Variants in XDH observed in about 807,000 individuals in gnomAD.
The protein encoded by XDH is xanthine dehydrogenase/oxidase.
A neutral mutation model predicts 156.1 loss-of-function variants in XDH; 138 were observed. The ratio of observed to expected loss-of-function variants is 0.88; its 90% CI spans 0.77 to 1.02. The LOEUF is 1.02. Ranked by LOEUF, XDH falls within the 50% of genes least tolerant of loss-of-function variation. The pLI is 0.00. For synonymous variants in XDH, 669 were observed against 625.7 expected (o/e 1.07, Z -1.03); for missense variants, 1,849 against 1,684.9 (o/e 1.10, Z -1.71).
At chr2:31,398,059 T>C (rs996486994) in intron 5 of XDH, among the ~76,000 whole-genome samples, 1 of 152,146 alleles carries the variant, frequency 6.6e-6, no homozygotes, top group African/African-American at 2.4e-5. Context: ...TATGAACTTT[T>C]TGAGAGTAGA....
intron 29 of XDH, 59 bp from the exon 30 acceptor site, chr2:31,346,902 G>A (rs1685311985): frequency 1.2e-6 from 2 of 1,610,512 alleles, no homozygotes; most frequent in African/African-American, 1.3e-5. Flanking sequence ...TGTAGCCCAG[G>A]CAAAACCCGA....
chr2:31,380,817 C>G (rs1477841124), intron 12 of XDH, among the ~76,000 whole-genome samples: 3 of 152,150 alleles, frequency 2.0e-5, no homozygotes, highest in African/African-American at 7.2e-5. Flanking sequence ...TCTGACAAGG[C>G]AGAGATGCAC....
intron 14 of XDH, 26 bp from the exon 15 acceptor site, chr2:31,375,580 G>A: frequency 6.2e-7 from 1 of 1,610,086 alleles, no homozygotes; most frequent in Non-Finnish European, 8.5e-7. Flanking sequence ...GCGTGGGACA[G>A]CGCTCCCGCC....
intron 17 of XDH, among the ~76,000 whole-genome samples, chr2:31,371,179 T>C (rs1558691451): frequency 6.6e-6 from 1 of 152,176 alleles, no homozygotes; most frequent in East Asian, 1.9e-4. Flanking sequence ...GTCTCAACTA[T>C]GTACTCATCA....
Position 31,387,825 on chromosome 2 carries a change from GA to G in XDH, c.636del (p.Pro214GlnfsTer4), listed in dbSNP as rs746274457. 3 of 1,583,710 alleles carry G rather than the reference GA, an allele frequency of 1.9e-6. No individual in the cohort carries two copies. The highest frequency in any genetic ancestry group is 3.7e-5 in the Admixed American group (2 of 54,486). On this transcript the variant is annotated frameshift_variant, in exon 8 of 36. Coordinates refer to ENST00000379416, the MANE Select transcript of XDH (RefSeq NM_000379.4). LOFTEE classifies it high-confidence loss of function. The part of the protein sequence containing the change: ...TPLDPTQEPI[F>X]PPELLRLKDT... ...GCATCACCTACCAGCAACTCTGGGG[GA>G]AAAATGGGCTCCTGGGTTGGATCCA...
intron 2 of XDH, among the ~76,000 whole-genome samples, chr2:31,403,723 T>G (rs979178368): frequency 1.3e-5 from 2 of 152,136 alleles, no homozygotes; most frequent in African/African-American, 4.8e-5. Context: ...TTTTTTTAGG[T>G]CTGGGTCCAA....
chr2:31,369,315 A>C (rs1372327448), intron 18 of XDH, among the ~76,000 whole-genome samples: 1 of 152,106 alleles, frequency 6.6e-6, no homozygotes, highest in Non-Finnish European at 1.5e-5. Context: ...ATGACCCATA[A>C]AAATATTTTT....
intron 2 of XDH, among the ~76,000 whole-genome samples, chr2:31,405,587 C>A (rs537616312): frequency 6.6e-6 from 1 of 152,162 alleles, no homozygotes; most frequent in Non-Finnish European, 1.5e-5. Flanking sequence ...GGAAGGCCCC[C>A]CTCTTCCCAC....
intron 24 of XDH, among the ~76,000 whole-genome samples, chr2:31,356,207 T>C (rs181944349): frequency 1.4e-4 from 22 of 152,156 alleles, no homozygotes; most frequent in Non-Finnish European, 2.6e-4. Context: ...TCAAAATTGG[T>C]AGCAAAAAAT....
chr2:31,336,251 A>C (rs1684968515), intron 35 of XDH, among the ~76,000 whole-genome samples: 1 of 152,248 alleles, frequency 6.6e-6, no homozygotes, highest in East Asian at 1.9e-4. Context: ...ATGGTGACAA[A>C]CAATACAGAT....
chr2:31,353,025 CTTT>C (rs774092222), intron 24 of XDH, among the ~76,000 whole-genome samples: 2 of 118,282 alleles, frequency 1.7e-5, no homozygotes, highest in Admixed American at 8.7e-5. Context: ...CCAGCCACCT[CTTT>C]TTTTTTTTTT....
intron 6 of XDH, among the ~76,000 whole-genome samples, chr2:31,395,287 G>A (rs1686872578): frequency 6.6e-6 from 1 of 152,050 alleles, no homozygotes; most frequent in South Asian, 2.1e-4. Flanking sequence ...CCGTTTGGTG[G>A]GACAGGATGG....
At chr2:31,378,672 C>T (rs548116878) in intron 13 of XDH, among the ~76,000 whole-genome samples, 95 of 144,582 alleles carry the variant, frequency 6.6e-4, no homozygotes, top group African/African-American at 2.2e-3. Flanking sequence ...GGGACATTCT[C>T]GCTGGGGTAC....
rs767840691 is a variant in XDH at position 31,370,343 on chromosome 2, T to G, written c.1980+12A>C. 5 of 1,614,098 alleles carry G rather than the reference T, an allele frequency of 3.1e-6. No individual in the cohort carries two copies. In the South Asian group the frequency reaches 5.5e-5, roughly 18 times the overall value. ...ATTCAATTTACTTCATATAAAAAAA[T>G]CCAAGACTTACCTTATCCTTCGCAA... On this transcript the variant is annotated intron_variant, in intron 18 of 35. Transcript: ENST00000379416.
chr2:31,343,036 A>T (rs1685166609), intron 31 of XDH, among the ~76,000 whole-genome samples: 1 of 152,032 alleles, frequency 6.6e-6, no homozygotes, highest in South Asian at 2.1e-4. Context: ...CAGGAATAAC[A>T]TGAGCTGATA....
In XDH at chr2:31,414,387, G is replaced by A. The variant is rs45451795; in HGVS notation, c.42+238C>T. On this transcript the variant is annotated intron_variant, in intron 1 of 35. Transcript: ENST00000379416. Reference sequence around the variant, plus strand: ...GCAGCTAGCTCACAGATGCCTCTCTGCTTGCCTCTCTCTCCCTCATTCTTT... The same window carrying A: ...GCAGCTAGCTCACAGATGCCTCTCTACTTGCCTCTCTCTCCCTCATTCTTT... 0.043 allele frequency among the ~76,000 whole-genome samples: 6,582 copies of A among 151,760 alleles called. 178 individuals are homozygous for A. The highest frequency in any genetic ancestry group is 0.062 in the Middle Eastern group (18 of 290).
intron 22 of XDH, 67 bp downstream of exon 22, chr2:31,365,909 T>A: frequency 1.2e-6 from 2 of 1,612,142 alleles, no homozygotes; most frequent in Non-Finnish European, 1.7e-6. Context: ...CCTGAAAACC[T>A]TCCTGGCACA....
chr2:31,350,368 CTTTTTTTTT>C (rs35646405), intron 24 of XDH, 145 bp from the exon 25 acceptor site: 3 of 259,940 alleles, frequency 1.2e-5, no homozygotes, highest in African/African-American at 5.8e-5. Context: ...GCAGCAGCAT[CTTTTTTTTT>C]TTTTTTTTTT....
chr2:31,408,417 G>A (rs1687250736), intron 1 of XDH, among the ~76,000 whole-genome samples: 1 of 152,160 alleles, frequency 6.6e-6, no homozygotes, highest in Non-Finnish European at 1.5e-5. Context: ...GGATACCAAT[G>A]GGTATCCCAA....
Sources: gnomAD v4.1 joint callset for allele counts (sites outside exome capture counted in the v4.1 genomes callset) on GRCh38, gnomAD v4.1.1 for gene constraint, MANE v1.5 for transcripts, NCBI Gene and HGNC (gene_info 2026-07-23, HGNC 2026-07-21) for gene names.